NBPF12: variants seen among roughly 807,000 people sequenced by gnomAD.
NBPF12 encodes NBPF member 12.
NBPF12 carries 115 observed loss-of-function variants against 146.4 expected under a neutral mutation model. The observed-to-expected ratio is 0.79, with a 90% CI of 0.68 to 0.92. The LOEUF (loss-of-function observed/expected upper bound fraction) is 0.92, where lower values mean the gene tolerates loss of function less well. Ranked by LOEUF, NBPF12 falls within the 40% of genes least tolerant of loss-of-function variation. The probability of loss-of-function intolerance (pLI) is 0.00; values close to 1 mark genes in which losing one functional copy is unlikely to be tolerated. For synonymous variants in NBPF12, 385 were observed against 508.9 expected (o/e 0.76, Z 3.28); for missense variants, 1,205 against 1,326.8 (o/e 0.91, Z 1.43).
chr1:146,972,921 C>G, exon 14 of NBPF12: 1 of 985,202 alleles, frequency 1.0e-6, no homozygotes, highest in Non-Finnish European at 1.6e-6. Context: ...TTTTGTAACT[C>G]AAGTGGCCTG....
rs1656599578 is a variant in NBPF12 at position 146,971,361 on chromosome 1, G to A, written c.1558G>A (p.Asp520Asn). ...GGTTGTAGACAGAGAATCCTCTCAT[G>A]ATGAATGTCAGGATGCTCTAAACAT... The change falls in exon 13 of 34, where the codon GAT becomes AAT. Residue 520 changes from aspartate to asparagine, a missense_variant. Asp to Asn is a conservative substitution (Grantham distance 23). Transcript: ENST00000617844. 8.7e-6 allele frequency: 14 copies of A among 1,611,578 alleles called. No individual in the cohort carries two copies. The South Asian group carries it at 1.1e-4, about 13-fold the overall frequency.
chr1:146,984,653 C>A (rs1381076897), intron 21 of NBPF12, among the ~76,000 whole-genome samples, 160 bp from the exon 25 acceptor site: 1 of 140,630 alleles, frequency 7.1e-6, no homozygotes, highest in Non-Finnish European at 1.5e-5. Flanking sequence ...TCTACCTGGC[C>A]CTAGTCTATC....
At chr1:146,966,874 G>A (rs1294741905) in intron 9 of NBPF12, among the ~76,000 whole-genome samples, 9 of 149,986 alleles carry the variant, frequency 6.0e-5, no homozygotes, top group Non-Finnish European at 1.3e-4. Flanking sequence ...TTGCAATCAG[G>A]TGGGGGTGGG....
At chr1:146,970,450 G>A (rs1430811892) in intron 11 of NBPF12, among the ~76,000 whole-genome samples, 197 bp from the exon 15 acceptor site, 1 of 151,022 alleles carries the variant, frequency 6.6e-6, no homozygotes, top group Non-Finnish European at 1.5e-5. Context: ...CATCTTGATG[G>A]TGGCCCTCCA....
At chr1:146,945,615 A>C (rs1655017414), upstream of NBPF12, among the ~76,000 whole-genome samples, 1 of 150,356 alleles carries the variant, frequency 6.7e-6, no homozygotes, top group South Asian at 2.1e-4. Flanking sequence ...GCTGCATCCT[A>C]ATTAAAAAAA....
intron 8 of NBPF12, 37 bp from the exon 12 acceptor site, chr1:146,966,427 T>G (rs1284649568): frequency 8.2e-6 from 11 of 1,336,986 alleles, no homozygotes; most frequent in Non-Finnish European, 1.1e-5. Context: ...TTTCACCAGT[T>G]TTTAACCCAT....
In NBPF12 at chr1:146,969,940, T is replaced by C. The variant is rs1468369620; in HGVS notation, c.1306+344T>C. Among the ~76,000 whole-genome samples, 39 of 151,056 alleles carry C rather than the reference T, an allele frequency of 2.6e-4. 1 individual carries two copies. Among genetic ancestry groups the C allele is most frequent in the African/African-American group, 8.6e-4 (35 of 40,760 alleles). On this transcript the variant is annotated intron_variant, in intron 11 of 33. Coordinates refer to ENST00000617844, the Ensembl canonical transcript of NBPF12. ...GAATGAAGGTTCCCAGGCTTCTTTT[T>C]GGCAATGTTCTTAGTAAGTGTCGGT...
chr1:146,962,749 G>A lies in NBPF12; in HGVS notation c.279-346G>A, dbSNP rs1271164895. The stretch of plus-strand genomic sequence containing the variant: ...GTACATGGCTTTGTATCTAGTGGCC[G>A]CAAGATGCACTATGTGTATTTTCAC... On this transcript the variant is annotated intron_variant, in intron 5 of 33. Transcript: ENST00000617844. Among the ~76,000 whole-genome samples, 505 of 148,208 alleles carry A rather than the reference G, an allele frequency of 3.4e-3. 7 individuals are homozygous for A. Among genetic ancestry groups the A allele is most frequent in the Non-Finnish European group, 4.5e-3 (306 of 67,336 alleles).
intron 2 of NBPF12, 78 bp downstream of exon 2, chr1:146,943,640 A>T (rs1654896239): frequency 1.2e-6 from 1 of 822,112 alleles, no homozygotes; most frequent in Non-Finnish European, 1.6e-6. Flanking sequence ...TGAAGGGAAG[A>T]TGCCAAGGGC....
rs1656738085 is a variant in NBPF12 at position 146,972,748 on chromosome 1, C to A, written c.1592-3C>A. 5 of 1,316,316 alleles carry A rather than the reference C, an allele frequency of 3.8e-6. No homozygotes were observed. In the Admixed American group the frequency reaches 8.4e-5, roughly 22 times the overall value. The allele number at this position is 1,316,316 out of a possible 1,614,324, so 81.5% of individuals were successfully genotyped here. A position where few individuals can be genotyped will look rare whatever the true frequency, so the allele number is the denominator to read the frequency against. On this transcript the variant is annotated splice_polypyrimidine_tract_variant and splice_region_variant and intron_variant, in intron 13 of 33. Transcript: ENST00000617844. ...ATCATGTGTTTGCCTTTCTTCTCCC[C>A]AGTCCCTGGCCCCACCTCTTCTGCC...
At chr1:146,964,924 C>G (rs1559520908) in exon 8 of NBPF12, 3 of 1,607,818 alleles carry the variant, frequency 1.9e-6, no homozygotes, top group Non-Finnish European at 2.5e-6. Context: ...GAGCAAAGTC[C>G]CTGAGGACTC....
intron 1 of NBPF12, among the ~76,000 whole-genome samples, chr1:146,942,378 A>G (rs1319524738): frequency 1.3e-5 from 2 of 151,394 alleles, no homozygotes; most frequent in African/African-American, 4.9e-5. Flanking sequence ...AGTATTCATT[A>G]TTGTTATTAT....
In NBPF12 at chr1:146,959,205, G is replaced by T. The variant is rs1282271624; in HGVS notation, c.-183-654G>T. Among the ~76,000 whole-genome samples, 8 of 84,392 alleles carry T rather than the reference G, an allele frequency of 9.5e-5. 1 individual carries two copies. The highest frequency in any genetic ancestry group is 1.4e-4 in the Non-Finnish European group (6 of 42,580). 55.4% of individuals were successfully genotyped at this position (84,392 alleles called of 152,430 possible). On this transcript the variant is annotated intron_variant, in intron 2 of 33. Coordinates refer to ENST00000617844, the Ensembl canonical transcript of NBPF12. ...AGTAAAGAGAAGTCGGCCGTGTGCG[G>T]TGGCTCACGCCTGTAATCCCAGCAC... is the stretch of plus-strand genomic sequence containing the variant.
Position 146,966,691 on chromosome 1 carries a change from A to G in NBPF12, c.988+18A>G, listed in dbSNP as rs1249998838. On this transcript the variant is annotated intron_variant, in intron 9 of 33. Transcript: ENST00000617844. ...CAAATACAGTAAGATCTACAGGCTC[A>G]CCATCACGAAAGTGATGAACAACGT... 2.4e-6 allele frequency: 3 copies of G among 1,243,768 alleles called. No individual in the cohort carries two copies. The highest frequency in any genetic ancestry group is 3.6e-6 in the Non-Finnish European group (3 of 844,164). The allele number at this position is 1,243,768 out of a possible 1,614,324, so 77.0% of individuals were successfully genotyped here.
chr1:146,971,473 CAT>C (rs1656607045), intron 13 of NBPF12, 79 bp downstream of exon 16: 1 of 1,148,804 alleles, frequency 8.7e-7, no homozygotes, highest in African/African-American at 1.7e-5. Context: ...TGTATATACA[CAT>C]ATTGTTATTG....
chr1:146,962,078 G>A, intron 4 of NBPF12, 83 bp from the exon 8 acceptor site: 5 of 1,249,932 alleles, frequency 4.0e-6, no homozygotes, highest in South Asian at 1.2e-5. Flanking sequence ...CCTTGGGATG[G>A]ACCTGGCTCC....
At chr1:146,981,290 A>ATATGTAT (rs1264698070) in intron 19 of NBPF12, among the ~76,000 whole-genome samples, 1 of 107,690 alleles carries the variant, frequency 9.3e-6, no homozygotes, top group African/African-American at 3.9e-5. Flanking sequence ...AAAAAAAAAA[A>ATATGTAT]AAAAATATAT....
At position 146,965,066 on chromosome 1, in the gene NBPF12, C is replaced by T; in HGVS notation, c.740C>T (p.Ser247Phe). 8 of 1,605,852 alleles carry T rather than the reference C, an allele frequency of 5.0e-6. 1 individual carries two copies. The highest frequency in any genetic ancestry group is 1.4e-5 in the African/African-American group (1 of 71,382). ...ACTGTGGTTGTAGACAGAAAATCCT[C>T]TCATGATGAATGTCAGGATGCTCTA... Residue 247 changes from serine to phenylalanine, a missense_variant, in exon 8 of 34, where the codon TCT (serine) becomes TTT (phenylalanine). Physicochemically the swap from Ser to Phe is radical, Grantham distance 155. This residue lies in a region of NBPF12 where 325 missense variants were observed against 236.6 expected (regional missense o/e 1.37). Transcript: ENST00000617844.
Position 146,971,405 on chromosome 1 carries a change from T to C in NBPF12, c.1591+11T>C. On this transcript the variant is annotated intron_variant, in intron 13 of 33. Coordinates refer to ENST00000617844, the Ensembl canonical transcript of NBPF12. ...TAAACATTCTCCCAGGTAGCCTCTA[T>C]TTTCCTTGTGTCTCATACCTCTGTC... 6.2e-7 allele frequency: 1 copy of C among 1,606,076 alleles called. No individual in the cohort carries two copies. The highest frequency in any genetic ancestry group is 1.7e-5 in the Admixed American group (1 of 59,848).
Sources: gnomAD v4.1 joint callset for allele counts (sites outside exome capture counted in the v4.1 genomes callset) on GRCh38, gnomAD v4.1.1 for gene constraint, gnomAD v4.1.1 regional missense constraint, MANE v1.5 for transcripts, NCBI Gene and HGNC (gene_info 2026-07-23, HGNC 2026-07-21) for gene names.